Variants in MYO3B observed in about 807,000 individuals in gnomAD.
MYO3B encodes the protein myosin IIIB.
A neutral mutation model predicts 174.6 loss-of-function variants in MYO3B; 156 were observed. The ratio of observed to expected loss-of-function variants is 0.89; its 90% CI spans 0.78 to 1.02. The LOEUF (loss-of-function observed/expected upper bound fraction) is 1.02, where lower values mean the gene tolerates loss of function less well. MYO3B is among the 50% of genes least tolerant of loss of function. The pLI, the probability that MYO3B is intolerant of heterozygous loss-of-function variation, is 0.00. For synonymous variants in MYO3B, 563 were observed against 569.1 expected (o/e 0.99, Z 0.15); for missense variants, 1,632 against 1,639.4 (o/e 1.00, Z 0.08).
chr2:170,461,237 G>A (rs1684259554), intron 23 of MYO3B, among the ~76,000 whole-genome samples: 1 of 152,112 alleles, frequency 6.6e-6, no homozygotes, highest in Non-Finnish European at 1.5e-5. Context: ...CACTTTGGGA[G>A]GCCGAGGCGG....
chr2:170,501,110 G>A (rs982391437), intron 27 of MYO3B, among the ~76,000 whole-genome samples: 5 of 151,844 alleles, frequency 3.3e-5, no homozygotes, highest in South Asian at 2.1e-4. Context: ...TATGCTCCTC[G>A]TGGGTGGCTT....
intron 7 of MYO3B, among the ~76,000 whole-genome samples, chr2:170,301,047 G>A (rs2093662259): frequency 6.6e-6 from 1 of 152,172 alleles, no homozygotes; most frequent in Non-Finnish European, 1.5e-5. Flanking sequence ...CTGTTGAGAA[G>A]GCATCCCAGC....
At chr2:170,498,515 C>A in intron 25 of MYO3B, 77 bp from the exon 26 acceptor site, 3 of 945,700 alleles carry the variant, frequency 3.2e-6, no homozygotes, top group South Asian at 1.5e-5. Context: ...CAAGGTGTGT[C>A]AATGGTCCCG....
intron 32 of MYO3B, among the ~76,000 whole-genome samples, chr2:170,574,290 T>G (rs58351027): frequency 0.063 from 9,534 of 152,210 alleles, 488 homozygotes; most frequent in East Asian, 0.25. Context: ...GGCTTTATTT[T>G]CAGTTGGCCG....
rs1382243825 is a variant in MYO3B, at chr2:170,616,031, CA to C, written c.3734-35596del. ...TAGTGTGTGTGTCAGTAATTTCTAA[CA>C]GAGCCTTAAAACAGAAACACAATCT... On this transcript the variant is annotated intron_variant, in intron 32 of 34. Transcript: ENST00000408978. Among the ~76,000 whole-genome samples, 3 of 152,174 alleles carry C rather than the reference CA, an allele frequency of 2.0e-5. No individual in the cohort carries two copies. In the East Asian group the frequency reaches 5.8e-4, roughly 29 times the overall value.
chr2:170,513,954 T>C (rs541376101), intron 28 of MYO3B, among the ~76,000 whole-genome samples: 1 of 152,320 alleles, frequency 6.6e-6, no homozygotes, highest in African/African-American at 2.4e-5. Flanking sequence ...TAATGTGGTA[T>C]ATTTGGAAGC....
At chr2:170,641,874 G>T (rs1431211662) in intron 32 of MYO3B, among the ~76,000 whole-genome samples, 1 of 50,090 alleles carries the variant, frequency 2.0e-5, no homozygotes, top group Non-Finnish European at 3.0e-5. Flanking sequence ...GGGGGGGGGA[G>T]GGGCGGGGAG....
intron 32 of MYO3B, among the ~76,000 whole-genome samples, chr2:170,556,657 G>C (rs1691319957): frequency 6.6e-6 from 1 of 152,166 alleles, no homozygotes; most frequent in Non-Finnish European, 1.5e-5. Flanking sequence ...AAGTAGCTGG[G>C]ATTACAGGCA....
chr2:170,617,596 C>T (rs1695547928), intron 32 of MYO3B, among the ~76,000 whole-genome samples: 1 of 152,158 alleles, frequency 6.6e-6, no homozygotes, highest in Admixed American at 6.5e-5. Flanking sequence ...TTGTTAATCT[C>T]CATAATTTGG....
intron 23 of MYO3B, among the ~76,000 whole-genome samples, chr2:170,457,159 G>A (rs1352495531): frequency 6.6e-6 from 1 of 152,218 alleles, no homozygotes; most frequent in Non-Finnish European, 1.5e-5. Flanking sequence ...GTCAGTGAGT[G>A]TGTGGCGAGT....
intron 32 of MYO3B, among the ~76,000 whole-genome samples, chr2:170,582,763 TC>T (rs1180301467): frequency 6.6e-6 from 1 of 152,182 alleles, no homozygotes; most frequent in African/African-American, 2.4e-5. Flanking sequence ...CATTAAATAT[TC>T]AGGCCTTTTG....
At chr2:170,224,611 C>T (rs960803339) in intron 6 of MYO3B, among the ~76,000 whole-genome samples, 6 of 151,814 alleles carry the variant, frequency 4.0e-5, no homozygotes, top group Non-Finnish European at 5.9e-5. Context: ...TTTGCAATTC[C>T]GCCATGCATT....
intron 32 of MYO3B, among the ~76,000 whole-genome samples, chr2:170,638,136 T>G (rs1697678428): frequency 1.3e-5 from 2 of 150,962 alleles, no homozygotes; most frequent in South Asian, 4.2e-4. Flanking sequence ...TGCCAGACAT[T>G]TGTAGATATA....
chr2:170,415,365 T>C (rs1206475215), intron 22 of MYO3B, among the ~76,000 whole-genome samples: 1 of 152,240 alleles, frequency 6.6e-6, no homozygotes, highest in Non-Finnish European at 1.5e-5. Flanking sequence ...TATTCAACAT[T>C]TTATATCCAC....
At chr2:170,420,823 ATTCTGCTTTTTAGAATTAC>A (rs1412107643) in intron 22 of MYO3B, among the ~76,000 whole-genome samples, 8 of 152,062 alleles carry the variant, frequency 5.3e-5, no homozygotes, top group Non-Finnish European at 4.4e-5. Context: ...CCCCATGCTA[ATTCTGCTTTTTAGAATTAC>A]TTCTGCTCCC....
intron 6 of MYO3B, among the ~76,000 whole-genome samples, chr2:170,234,605 C>T (rs2093051239): frequency 6.6e-6 from 1 of 152,172 alleles, no homozygotes; most frequent in Non-Finnish European, 1.5e-5. Flanking sequence ...TCTCACCAGG[C>T]TAAAATACTC....
chr2:170,453,231 G>A (rs959855276), intron 23 of MYO3B, among the ~76,000 whole-genome samples: 4 of 152,078 alleles, frequency 2.6e-5, no homozygotes, highest in African/African-American at 9.7e-5. Context: ...GAAAAGTAGG[G>A]GTTTAGGGGT....
At chr2:170,354,185 G>A (rs1272301616) in intron 8 of MYO3B, among the ~76,000 whole-genome samples, 3 of 152,210 alleles carry the variant, frequency 2.0e-5, no homozygotes, top group African/African-American at 7.2e-5. Flanking sequence ...TGAATTGGAA[G>A]AGATCCAAGA....
intron 30 of MYO3B, among the ~76,000 whole-genome samples, chr2:170,521,568 T>A (rs930075820): frequency 1.3e-5 from 2 of 152,076 alleles, no homozygotes; most frequent in Middle Eastern, 6.4e-3. Flanking sequence ...CGGCTGTCCT[T>A]CCTTCCTTTG....
Sources: allele counts gnomAD v4.1 joint callset (sites outside exome capture counted in the v4.1 genomes callset), GRCh38; gene constraint gnomAD v4.1.1; transcripts MANE v1.5; gene names NCBI Gene and HGNC (gene_info 2026-07-23, HGNC 2026-07-21).